Variants in FHIT observed in about 807,000 individuals in gnomAD.
The protein encoded by FHIT is bis(5'-adenosyl)-triphosphatase.
In FHIT, 19 loss-of-function variants were observed where a neutral mutation model predicts 17.9. The ratio of observed to expected loss-of-function variants is 1.06; its 90% confidence interval spans 0.74 to 1.56. FHIT has a LOEUF of 1.56. FHIT is among the 40% of genes most tolerant of loss of function. The pLI, the probability that FHIT is intolerant of heterozygous loss-of-function variation, is 0.00. For missense variants in FHIT, 248 were observed against 189.2 expected, an observed-to-expected ratio of 1.31 and a Z score of -1.82; for synonymous variants, 81 against 69.7, an observed-to-expected ratio of 1.16 and a Z score of -0.81.
intron 1 of FHIT, among the ~76,000 whole-genome samples, chr3:61,244,349 A>C (rs1410912843): frequency 2.0e-5 from 3 of 152,214 alleles, no homozygotes; most frequent in Non-Finnish European, 1.5e-5. Context: ...TTACATTAGG[A>C]GGCCAGGTAC....
chr3:61,030,276 T>C (rs1351398892), intron 3 of FHIT, among the ~76,000 whole-genome samples: 1 of 152,178 alleles, frequency 6.6e-6, no homozygotes, highest in Admixed American at 6.5e-5. Flanking sequence ...GGCCAGAATC[T>C]GCATTTTTAA....
chr3:60,716,932 A>G (rs2041698184), intron 4 of FHIT, among the ~76,000 whole-genome samples: 1 of 152,240 alleles, frequency 6.6e-6, no homozygotes, highest in South Asian at 2.1e-4. Flanking sequence ...TAAGTGGCAC[A>G]TGACTGTATA....
intron 5 of FHIT, among the ~76,000 whole-genome samples, chr3:60,439,857 CTTCT>C (rs1365579887): frequency 2.0e-5 from 3 of 152,042 alleles, no homozygotes; most frequent in African/African-American, 7.2e-5. Flanking sequence ...AAGTACACCC[CTTCT>C]TTCTTTGTGC....
At chr3:60,694,571 C>G (rs1296781933) in intron 4 of FHIT, among the ~76,000 whole-genome samples, 1 of 152,102 alleles carries the variant, frequency 6.6e-6, no homozygotes, top group Admixed American at 6.6e-5. Context: ...TGGGTATATA[C>G]CCAAAGGATT....
intron 7 of FHIT, among the ~76,000 whole-genome samples, chr3:59,988,382 T>C (rs1467821069): frequency 6.6e-6 from 1 of 152,108 alleles, no homozygotes; most frequent in African/African-American, 2.4e-5. Context: ...TGGAGTCTAT[T>C]GTTGGTTTAT....
chr3:60,077,219 T>C (rs1703049597), intron 5 of FHIT, among the ~76,000 whole-genome samples: 1 of 151,990 alleles, frequency 6.6e-6, no homozygotes, highest in Non-Finnish European at 1.5e-5. Flanking sequence ...TCACCGTGAA[T>C]TCATAATTTT....
chr3:60,347,535 T>C (rs963898406), intron 5 of FHIT, among the ~76,000 whole-genome samples: 4 of 152,002 alleles, frequency 2.6e-5, no homozygotes, highest in Non-Finnish European at 4.4e-5. Flanking sequence ...CTCACATCAA[T>C]AGTTATTGTA....
At chr3:60,097,276 G>A (rs1703992058) in intron 5 of FHIT, among the ~76,000 whole-genome samples, 1 of 152,016 alleles carries the variant, frequency 6.6e-6, no homozygotes, top group Non-Finnish European at 1.5e-5. Context: ...GAGCTTAAAT[G>A]GAATAGTAGG....
chr3:60,047,370 T>C (rs1361658457), intron 5 of FHIT, among the ~76,000 whole-genome samples: 1 of 152,182 alleles, frequency 6.6e-6, no homozygotes, highest in Admixed American at 6.5e-5. Context: ...TCCAAATGCA[T>C]ATGGACATTT....
chr3:60,507,347 G>C (rs911947166), intron 5 of FHIT, among the ~76,000 whole-genome samples: 1 of 152,150 alleles, frequency 6.6e-6, no homozygotes, highest in Non-Finnish European at 1.5e-5. Context: ...AAAGAAAGAG[G>C]GAGGCCTGGC....
intron 5 of FHIT, among the ~76,000 whole-genome samples, chr3:60,343,101 C>T (rs781178772): frequency 3.3e-5 from 5 of 152,056 alleles, no homozygotes; most frequent in Non-Finnish European, 7.4e-5. Flanking sequence ...ATGAATTATA[C>T]CTTCTATACA....
At chr3:60,711,165 G>C (rs1553705017) in intron 4 of FHIT, among the ~76,000 whole-genome samples, 3 of 152,104 alleles carry the variant, frequency 2.0e-5, no homozygotes, top group African/African-American at 7.2e-5. Flanking sequence ...ACACAAACAG[G>C]GTCTGGAGTG....
At chr3:59,901,355 G>A (rs116206744) in intron 8 of FHIT, among the ~76,000 whole-genome samples, 2 of 152,318 alleles carry the variant, frequency 1.3e-5, no homozygotes, top group African/African-American at 4.8e-5. Context: ...ACAAAGGTAA[G>A]TATGCCAATC....
chr3:60,059,340 A>C (rs555096830), intron 5 of FHIT, among the ~76,000 whole-genome samples: 1 of 152,100 alleles, frequency 6.6e-6, no homozygotes, highest in Non-Finnish European at 1.5e-5. Context: ...CATACATACA[A>C]CTTCTTAAAC....
chr3:61,128,597 T>G (rs982337429), intron 2 of FHIT, among the ~76,000 whole-genome samples: 1 of 152,160 alleles, frequency 6.6e-6, no homozygotes, highest in Non-Finnish European at 1.5e-5. Context: ...GTTCTCTTTG[T>G]GTGCCAAAGA....
intron 8 of FHIT, among the ~76,000 whole-genome samples, chr3:59,808,942 T>C (rs1481585322): frequency 6.6e-6 from 1 of 152,118 alleles, no homozygotes; most frequent in Non-Finnish European, 1.5e-5. Context: ...TGAAAAACTA[T>C]ATTTTAAAAA....
At chr3:59,835,441 T>C (rs943364396) in intron 8 of FHIT, among the ~76,000 whole-genome samples, 3 of 152,186 alleles carry the variant, frequency 2.0e-5, no homozygotes, top group Non-Finnish European at 4.4e-5. Flanking sequence ...GAACCATTTC[T>C]ACTATACTGC....
intron 4 of FHIT, among the ~76,000 whole-genome samples, chr3:60,629,548 G>A (rs2039385397): frequency 6.6e-6 from 1 of 152,178 alleles, no homozygotes; most frequent in African/African-American, 2.4e-5. Flanking sequence ...TATTACTGCA[G>A]GAAAGCCTAG....
chr3:61,039,081 T>C lies in FHIT; in HGVS notation c.-111+2966A>G, dbSNP rs116173799. Among the ~76,000 whole-genome samples the C allele has an allele frequency of 8.2e-3, 1,244 of 152,218 alleles. 14 individuals are homozygous for C. The highest frequency in any genetic ancestry group is 0.028 in the African/African-American group (1,178 of 41,534). ...AAAGGGGATCACTTAAAAATATATA[T>C]ATATAAAGTAAAGATTATATGAGGA... On this transcript the variant is annotated intron_variant, in intron 3 of 9. Coordinates refer to ENST00000492590, the MANE Select transcript of FHIT (RefSeq NM_002012.4).
Sources: gnomAD v4.1 joint callset for allele counts (sites outside exome capture counted in the v4.1 genomes callset) on GRCh38, gnomAD v4.1.1 for gene constraint, MANE v1.5 for transcripts, NCBI Gene and HGNC (gene_info 2026-07-23, HGNC 2026-07-21) for gene names.